The following SAXO2 variants were observed in gnomAD, a reference collection of about 807,000 sequenced individuals.
SAXO2 encodes the protein family with sequence similarity 154, member B.
A neutral mutation model predicts 18.7 loss-of-function variants in SAXO2; 17 were observed. The ratio of observed to expected loss-of-function variants is 0.91; its 90% CI spans 0.62 to 1.36. SAXO2 has a LOEUF of 1.36. Ranked by LOEUF, SAXO2 falls within the 40% of genes most tolerant of loss-of-function variation. SAXO2 has a pLI of 0.00. For missense variants in SAXO2, 486 were observed against 562.6 expected (o/e 0.86, Z 1.38); for synonymous variants, 163 against 181.2 (o/e 0.90, Z 0.81).
At position 82,271,756 on chromosome 15, in the gene SAXO2, G is replaced by A. The variant is rs1320372623; in HGVS notation, c.387G>A (p.Glu129=). The part of the protein sequence containing the change: ...VQPVAIVRPL[E]RQVKKGKLDT... ...CTGTGGCAATAGTCCGGCCTTTGGA[G>A]AGACAAGTTAAAAAAGGAAAATTGG... Residue 129 remains glutamate, a synonymous_variant, in exon 3 of 4, where the codon GAG becomes GAA. Transcript: ENST00000682753. 1 of 1,614,092 alleles carries A rather than the reference G, an allele frequency of 6.2e-7. No homozygotes were observed. The highest frequency in any genetic ancestry group is 2.2e-5 in the East Asian group (1 of 44,872).
At position 82,282,971 on chromosome 15, in the gene SAXO2, A is replaced by G; in HGVS notation, c.1286A>G (p.Tyr429Cys). The change falls in exon 4 of 4, where the codon TAT becomes TGT. Residue 429 changes from tyrosine (Y) to cysteine (C), a missense_variant. Physicochemically the swap from Tyr to Cys is radical, Grantham distance 194. Coordinates refer to ENST00000682753, the MANE Select transcript of SAXO2 (RefSeq NM_001348699.2). Reference sequence around the variant, plus strand: ...AGACAGGAAATTTGCCCAGCCAGCTATCCCTCTCCTCCAGGTTATATTTTC... The same window carrying G: ...AGACAGGAAATTTGCCCAGCCAGCTGTCCCTCTCCTCCAGGTTATATTTTC... Reference protein sequence around the residue: ...PKRQEICPASYPSPPGYIFDN... With the variant: ...PKRQEICPASCPSPPGYIFDN... 4 of 1,614,166 alleles carry G rather than the reference A, an allele frequency of 2.5e-6. No individual in the cohort carries two copies. The highest frequency in any genetic ancestry group is 2.2e-5 in the East Asian group (1 of 44,882).
intron 1 of SAXO2, among the ~76,000 whole-genome samples, chr15:82,264,386 CAAAA>C (rs999427925): frequency 6.8e-6 from 1 of 146,546 alleles, no homozygotes; most frequent in African/African-American, 2.5e-5. Flanking sequence ...TTTTTTTTAA[CAAAA>C]AAAGAGAATA....
chr15:82,282,421 T>C lies in SAXO2; in HGVS notation c.736T>C (p.Cys246Arg). 1 of 1,614,162 alleles carries C rather than the reference T, an allele frequency of 6.2e-7. No individual in the cohort carries two copies. The highest frequency in any genetic ancestry group is 1.1e-5 in the South Asian group (1 of 91,078). ...QRFEDLTTHR[C>R]DFQGLIGETA... ...CTTTGAGGATCTCACAACTCACCGG[T>C]GTGACTTTCAGGGTCTCATTGGTGA... Residue 246 changes from cysteine (C) to arginine (R), a missense_variant, in exon 4 of 4, where the codon TGT (cysteine) becomes CGT (arginine). Transcript: ENST00000682753.
Position 82,263,108 on chromosome 15 carries a change from T to G in SAXO2, c.53+176T>G, listed in dbSNP as rs1302883299. On this transcript the variant is annotated intron_variant, in intron 1 of 3. Coordinates refer to ENST00000682753, the MANE Select transcript of SAXO2 (RefSeq NM_001348699.2). ...CGCGAATACTCGCTCCTCACCCGCC[T>G]GCTACCCGGGGGTAAAACGTTTGTT... 7 of 1,487,444 alleles carry G rather than the reference T, an allele frequency of 4.7e-6. No individual in the cohort carries two copies. The East Asian group carries it at 7.4e-5, about 16-fold the overall frequency. 92.1% of individuals were successfully genotyped at this position (1,487,444 alleles called of 1,614,324 possible).
intron 3 of SAXO2, among the ~76,000 whole-genome samples, chr15:82,274,992 A>AT (rs1170430101): frequency 6.6e-6 from 1 of 151,872 alleles, no homozygotes; most frequent in Admixed American, 6.6e-5. Context: ...CAAAAAGTTC[A>AT]TTTTTTGAAA....
intron 3 of SAXO2, among the ~76,000 whole-genome samples, chr15:82,276,770 T>C (rs2075318818): frequency 6.6e-6 from 1 of 151,902 alleles, no homozygotes; most frequent in African/African-American, 2.4e-5. Flanking sequence ...TTAAAGCAAA[T>C]TAACAATGTT....
Position 82,282,643 on chromosome 15 carries a change from G to A in SAXO2, c.958G>A (p.Ala320Thr). The A allele has an allele frequency of 1.2e-6, 2 of 1,614,142 alleles. No individual in the cohort carries two copies. The highest frequency in any genetic ancestry group is 2.2e-5 in the South Asian group (2 of 91,054). ...CCATCTTGACTATGTTCCATATCAG[G>A]CCAACCATGTTGTTCCCATCAGGCC... The part of the protein sequence containing the change: ...TSHLDYVPYQ[A>T]NHVVPIRPVS... Residue 320 changes from alanine to threonine, a missense_variant, in exon 4 of 4, where the codon GCC becomes ACC. Transcript: ENST00000682753.
Position 82,282,711 on chromosome 15 carries a change from A to G in SAXO2, c.1026A>G (p.Lys342=). Residue 342 remains lysine, a synonymous_variant, in exon 4 of 4, where the codon AAA becomes AAG. Transcript: ENST00000682753. ...KRSNNFPFQG[K]SIMKEDFPAW... ...GTAACAATTTTCCTTTCCAAGGAAA[A>G]AGCATCATGAAAGAAGATTTTCCAG... 1.2e-6 allele frequency: 2 copies of G among 1,614,220 alleles called. No homozygotes were observed. The highest frequency in any genetic ancestry group is 1.7e-6 in the Non-Finnish European group (2 of 1,180,030).
chr15:82,264,057 C>A (rs1396297035), intron 1 of SAXO2, among the ~76,000 whole-genome samples: 7 of 147,074 alleles, frequency 4.8e-5, no homozygotes, highest in Non-Finnish European at 1.0e-4. Context: ...ACTTGTTTTA[C>A]ATATGCATTG....
rs1034666689 is a variant in SAXO2, at chr15:82,265,585, C to T, written c.70C>T (p.Arg24Cys). 31 of 1,370,910 alleles carry T rather than the reference C, an allele frequency of 2.3e-5. No individual in the cohort carries two copies. The Admixed American group carries it at 3.9e-4, about 17-fold the overall frequency. 84.9% of individuals were successfully genotyped at this position (1,370,910 alleles called of 1,614,324 possible). Residue 24 changes from arginine (R) to cysteine (C), a missense_variant, in exon 2 of 4, where the codon CGT becomes TGT. Transcript: ENST00000682753. ...ICSCGRHHCPRGTTRIYENSG... is the reference protein window; with the variant it reads ...ICSCGRHHCPCGTTRIYENSG... ...TTTGCACAGGCGACATCATTGTCCA[C>T]GTGGAACCACAAGGATTTATGAAAA...
In SAXO2 at chr15:82,275,281, CAAAAAAAAAA is replaced by C. The variant is rs756023248; in HGVS notation, c.433+3495_433+3504del. On this transcript the variant is annotated intron_variant, in intron 3 of 3. Coordinates refer to ENST00000682753, the MANE Select transcript of SAXO2 (RefSeq NM_001348699.2). ...AATCAGTAGTAAGAAACCTATCAAC[CAAAAAAAAAA>C]AAAAAAAAAAAAAAATGCCCCAGAC... Among the ~76,000 whole-genome samples the C allele has an allele frequency of 9.4e-4, 43 of 45,912 alleles. No homozygotes were observed. In the South Asian group the frequency reaches 0.035, roughly 38 times the overall value. The allele number at this position is 45,912 out of a possible 152,430, so 30.1% of individuals were successfully genotyped here.
At chr15:82,273,939 T>G (rs1596033390) in intron 3 of SAXO2, among the ~76,000 whole-genome samples, 1 of 151,998 alleles carries the variant, frequency 6.6e-6, no homozygotes, top group East Asian at 1.9e-4. Context: ...AGTTTCACCA[T>G]GTTGGTCAGG....
chr15:82,268,336 G>A (rs926961472), intron 2 of SAXO2, among the ~76,000 whole-genome samples: 1 of 152,102 alleles, frequency 6.6e-6, no homozygotes, highest in African/African-American at 2.4e-5. Flanking sequence ...TCCAATTCTG[G>A]ATTTCCCCTG....
chr15:82,265,123 AAC>A (rs1302949030), intron 1 of SAXO2, among the ~76,000 whole-genome samples: 1 of 152,078 alleles, frequency 6.6e-6, no homozygotes, highest in East Asian at 1.9e-4. Flanking sequence ...TTACAGAGGA[AAC>A]AGTTTTTGGG....
chr15:82,271,291 G>T (rs2075268555), intron 2 of SAXO2, among the ~76,000 whole-genome samples: 1 of 151,864 alleles, frequency 6.6e-6, no homozygotes, highest in Non-Finnish European at 1.5e-5. Flanking sequence ...TTCCTTCCAG[G>T]TTAGAAAAAA....
At position 82,282,551 on chromosome 15, in the gene SAXO2, C is replaced by G. The variant is rs765498622; in HGVS notation, c.866C>G (p.Pro289Arg). The part of the protein sequence containing the change: ...RESFQPWEIP[P>R]PEVKKVPEYV... ...AGTTTTCAACCATGGGAAATCCCAC[C>G]ACCTGAGGTCAAGAAAGTACCAGAG... The change falls in exon 4 of 4, where the codon CCA (proline) becomes CGA (arginine). Residue 289 changes from proline to arginine, a missense_variant. Transcript: ENST00000682753. 10 of 1,613,990 alleles carry G rather than the reference C, an allele frequency of 6.2e-6. No homozygotes were observed. The African/African-American group carries it at 1.2e-4, about 19-fold the overall frequency.
intron 3 of SAXO2, 60 bp downstream of exon 3, chr15:82,271,862 C>T: frequency 7.3e-7 from 1 of 1,376,394 alleles, no homozygotes; most frequent in African/African-American, 1.5e-5. Context: ...CCAGCTTTAA[C>T]ATCTAATATC....
chr15:82,275,281 C>CAAAAAAAAAAAAAA lies in SAXO2; in HGVS notation c.433+3491_433+3504dup, dbSNP rs756023248. ...AATCAGTAGTAAGAAACCTATCAACCAAAAAAAAAAAAAAAAAAAAAAAAA... is the reference window on the plus strand; with the variant it reads ...AATCAGTAGTAAGAAACCTATCAACCAAAAAAAAAAAAAAAAAAAAAAAAAAAAAAAAAAAAAAA... On this transcript the variant is annotated intron_variant, in intron 3 of 3. Coordinates refer to ENST00000682753, the MANE Select transcript of SAXO2 (RefSeq NM_001348699.2). 2.4e-4 allele frequency among the ~76,000 whole-genome samples: 11 copies of CAAAAAAAAAAAAAA among 45,910 alleles called. 1 individual carries two copies. Among genetic ancestry groups the CAAAAAAAAAAAAAA allele is most frequent in the Non-Finnish European group, 3.5e-4 (9 of 25,468 alleles). The allele number at this position is 45,910 out of a possible 152,430, so 30.1% of individuals were successfully genotyped here.
chr15:82,282,311 C>T lies in SAXO2; in HGVS notation c.626C>T (p.Thr209Ile). Residue 209 changes from threonine (T) to isoleucine (I), a missense_variant, in exon 4 of 4, where the codon ACA (threonine) becomes ATA (isoleucine). Physicochemically the swap from Thr to Ile is moderately conservative, Grantham distance 89. Coordinates refer to ENST00000682753, the MANE Select transcript of SAXO2 (RefSeq NM_001348699.2). ...KRSTAPFNGI[T>I]SHRLDYIPHQ... ...TCTACAGCCCCTTTTAATGGTATTACAAGTCATCGCCTTGATTATATACCT... is the reference window on the plus strand; with the variant it reads ...TCTACAGCCCCTTTTAATGGTATTATAAGTCATCGCCTTGATTATATACCT... The T allele has an allele frequency of 6.2e-7, 1 of 1,614,196 alleles. No homozygotes were observed. Among genetic ancestry groups the T allele is most frequent in the South Asian group, 1.1e-5 (1 of 91,078 alleles).
Sources: gnomAD v4.1 joint callset for allele counts (sites outside exome capture counted in the v4.1 genomes callset) on GRCh38, gnomAD v4.1.1 for gene constraint, MANE v1.5 for transcripts, NCBI Gene and HGNC (gene_info 2026-07-23, HGNC 2026-07-21) for gene names.